OTOGL: variants seen among roughly 807,000 people sequenced by gnomAD.
OTOGL encodes otogelin-like protein.
Under a neutral mutation model 318.5 loss-of-function variants are expected in OTOGL, and 285 were observed. That is an observed-to-expected ratio of 0.89 (90% CI 0.81 to 0.99). OTOGL has a LOEUF of 0.99. Among genes scored for constraint, OTOGL ranks in the 50% least tolerant of loss-of-function variants. The pLI is 0.00. For synonymous variants in OTOGL, 987 were observed against 936.5 expected (o/e 1.05, Z -0.99); for missense variants, 2,899 against 2,845.6 (o/e 1.02, Z -0.43).
chr12:80,239,494 C>T, intron 11 of OTOGL, 55 bp downstream of exon 11: 1 of 1,221,004 alleles, frequency 8.2e-7, no homozygotes, highest in Non-Finnish European at 1.2e-6. Flanking sequence ...AAAAGAAGAC[C>T]CACAACTACT....
intron 46 of OTOGL, among the ~76,000 whole-genome samples, chr12:80,354,271 C>T (rs929992080): frequency 3.4e-4 from 52 of 152,170 alleles, no homozygotes; most frequent in Non-Finnish European, 1.5e-5. Flanking sequence ...CTTCTTTGAC[C>T]TTCTGCCATA....
chr12:80,205,031 AAAC>A (rs1281969897), intron 1 of OTOGL, among the ~76,000 whole-genome samples: 4 of 152,322 alleles, frequency 2.6e-5, no homozygotes, highest in South Asian at 2.1e-4. Context: ...AACGAACAAC[AAAC>A]AACAAGATTA....
intron 1 of OTOGL, among the ~76,000 whole-genome samples, chr12:80,193,545 G>A (rs1456321139): frequency 6.6e-6 from 1 of 151,632 alleles, no homozygotes; most frequent in Non-Finnish European, 1.5e-5. Context: ...TAATAATAAG[G>A]TTAGCATATA....
intron 42 of OTOGL, among the ~76,000 whole-genome samples, chr12:80,337,250 C>A (rs545092329): frequency 3.8e-4 from 58 of 151,986 alleles, no homozygotes; most frequent in Non-Finnish European, 5.7e-4. Flanking sequence ...ACACTAGCGA[C>A]CTCTGAGATA....
At chr12:80,324,036 G>C (rs1420413248) in intron 35 of OTOGL, among the ~76,000 whole-genome samples, 196 bp downstream of exon 35, 1 of 152,144 alleles carries the variant, frequency 6.6e-6, no homozygotes, top group African/African-American at 2.4e-5. Flanking sequence ...CTTGCTGCTG[G>C]GGAGACAGTA....
intron 26 of OTOGL, among the ~76,000 whole-genome samples, chr12:80,280,752 G>A (rs1420742865): frequency 6.6e-6 from 1 of 151,818 alleles, no homozygotes; most frequent in South Asian, 2.1e-4. Context: ...TTTCTGCTTA[G>A]GAATGGCATT....
rs1881543801 is a variant in OTOGL, at chr12:80,251,511, T to C, written c.1053-182T>C. On this transcript the variant is annotated intron_variant, in intron 11 of 58. Transcript: ENST00000547103. ...CTAGGCCTAATTAGCTGGGGACCCA[T>C]GCTCATGTGTTTTCTGCATTGTTGT... 3.3e-5 allele frequency among the ~76,000 whole-genome samples: 5 copies of C among 152,368 alleles called. No individual in the cohort carries two copies. In the South Asian group the frequency reaches 8.3e-4, roughly 25 times the overall value.
intron 39 of OTOGL, 37 bp downstream of exon 39, chr12:80,336,177 T>A (rs781585064): frequency 3.9e-6 from 6 of 1,527,540 alleles, no homozygotes; most frequent in Non-Finnish European, 5.2e-6. Flanking sequence ...TCTTTTTTTT[T>A]TTTTTTTAAT....
intron 27 of OTOGL, among the ~76,000 whole-genome samples, chr12:80,297,719 C>G (rs1407649664): frequency 6.6e-6 from 1 of 152,170 alleles, no homozygotes; most frequent in Non-Finnish European, 1.5e-5. Flanking sequence ...TCCCCCAAGG[C>G]CTTGCCAGTC....
intron 1 of OTOGL, among the ~76,000 whole-genome samples, chr12:80,128,970 C>G (rs867831974): frequency 3.3e-5 from 5 of 152,176 alleles, no homozygotes; most frequent in African/African-American, 1.2e-4. Context: ...AGGGAATTCC[C>G]TGACCCCTTG....
chr12:80,375,432 T>A (rs1157011603), intron 57 of OTOGL, among the ~76,000 whole-genome samples: 1 of 152,162 alleles, frequency 6.6e-6, no homozygotes, highest in Non-Finnish European at 1.5e-5. Flanking sequence ...GTGCTCATTA[T>A]CAAGAAGGGG....
chr12:80,197,107 C>T (rs1387564675), intron 1 of OTOGL, among the ~76,000 whole-genome samples: 2 of 152,172 alleles, frequency 1.3e-5, no homozygotes, highest in Admixed American at 6.5e-5. Context: ...TTGATAATAA[C>T]TCTTTCAGCC....
At chr12:80,359,901 A>C (rs922478713) in intron 52 of OTOGL, among the ~76,000 whole-genome samples, 1 of 152,228 alleles carries the variant, frequency 6.6e-6, no homozygotes, top group Non-Finnish European at 1.5e-5. Context: ...CCAAGTCAGC[A>C]CTTTAGCTCA....
At chr12:80,196,234 TA>T (rs1876056627) in intron 1 of OTOGL, among the ~76,000 whole-genome samples, 1 of 152,158 alleles carries the variant, frequency 6.6e-6, no homozygotes, top group African/African-American at 2.4e-5. Flanking sequence ...CTCCATTGCT[TA>T]ATTTGTACCC....
intron 37 of OTOGL, among the ~76,000 whole-genome samples, chr12:80,330,791 C>T (rs547442080): frequency 6.6e-6 from 1 of 152,208 alleles, no homozygotes; most frequent in Non-Finnish European, 1.5e-5. Context: ...TTGCAGAATG[C>T]AAGAGCAATA....
At chr12:80,168,742 C>T (rs1463375159) in intron 1 of OTOGL, among the ~76,000 whole-genome samples, 1 of 152,090 alleles carries the variant, frequency 6.6e-6, no homozygotes, top group Non-Finnish European at 1.5e-5. Context: ...ACCTCAATGC[C>T]AAGTGTCTTA....
chr12:80,147,662 G>C (rs938217323), intron 1 of OTOGL, among the ~76,000 whole-genome samples: 3 of 152,070 alleles, frequency 2.0e-5, no homozygotes, highest in Non-Finnish European at 4.4e-5. Context: ...GGGTGTTAAA[G>C]TCTCCCATTG....
chr12:80,245,837 T>C (rs2137463950), intron 11 of OTOGL, among the ~76,000 whole-genome samples: 1 of 74,820 alleles, frequency 1.3e-5, no homozygotes, highest in Admixed American at 1.5e-4. Flanking sequence ...TTTTATTTCC[T>C]TGAGCAGTGG....
intron 1 of OTOGL, among the ~76,000 whole-genome samples, chr12:80,186,708 T>C (rs1875317787): frequency 6.6e-6 from 1 of 152,024 alleles, no homozygotes; most frequent in Non-Finnish European, 1.5e-5. Context: ...CTGTTCCTGC[T>C]TGTTTGGGGA....
Sources: gnomAD v4.1 joint callset for allele counts (sites outside exome capture counted in the v4.1 genomes callset) on GRCh38, gnomAD v4.1.1 for gene constraint, MANE v1.5 for transcripts, NCBI Gene and HGNC (gene_info 2026-07-23, HGNC 2026-07-21) for gene names.